SAMD12: variants seen among roughly 807,000 people sequenced by gnomAD.
SAMD12 encodes the protein sterile alpha motif domain-containing protein 12.
Under a neutral mutation model 15.0 loss-of-function variants are expected in SAMD12, and 9 were observed. That is an observed-to-expected ratio of 0.60 (90% CI 0.36 to 1.05). The LOEUF is 1.05. Among genes scored for constraint, SAMD12 ranks in the 50% least tolerant of loss-of-function variants. The pLI is 0.01. For missense variants in SAMD12, 230 were observed against 234.2 expected (o/e 0.98, Z 0.12); for synonymous variants, 86 against 90.1 (o/e 0.96, Z 0.25).
chr8:118,393,054 T>C (rs187187944), intron 3 of SAMD12, among the ~76,000 whole-genome samples: 173 of 152,292 alleles, frequency 1.1e-3, no homozygotes, highest in African/African-American at 4.0e-3. Flanking sequence ...ACACTTACTT[T>C]TGGGAAAAAT....
At chr8:118,536,525 C>T (rs573219417) in intron 2 of SAMD12, among the ~76,000 whole-genome samples, 52 of 151,468 alleles carry the variant, frequency 3.4e-4, no homozygotes, top group Admixed American at 3.9e-4. Context: ...CCTTCTGATG[C>T]GTGTTGTATG....
chr8:118,339,133 C>T (rs929811331), intron 4 of SAMD12, among the ~76,000 whole-genome samples: 6 of 152,098 alleles, frequency 3.9e-5, no homozygotes, highest in Admixed American at 2.0e-4. Context: ...AGTTTGAGAC[C>T]AGCCTGGGCA....
chr8:118,200,227 A>G (rs1305752820), intron 4 of SAMD12, among the ~76,000 whole-genome samples: 1 of 152,082 alleles, frequency 6.6e-6, no homozygotes, highest in African/African-American at 2.4e-5. Flanking sequence ...TGTCTTTAAC[A>G]GCAGAACGAC....
chr8:118,300,462 G>A (rs1382705299), intron 4 of SAMD12, among the ~76,000 whole-genome samples: 1 of 152,188 alleles, frequency 6.6e-6, no homozygotes, highest in African/African-American at 2.4e-5. Flanking sequence ...GGGCAACAGA[G>A]AGTGAAGGAC....
At chr8:118,170,461 C>T in the SAMD12 span, among the ~76,000 whole-genome samples, 1 of 152,076 alleles carries the variant, frequency 6.6e-6, no homozygotes, top group African/African-American at 2.4e-5. Context: ...AATAACAGAT[C>T]AATTTTATTT....
chr8:118,547,893 G>A (rs1010220556), intron 2 of SAMD12, among the ~76,000 whole-genome samples: 1 of 151,930 alleles, frequency 6.6e-6, no homozygotes, highest in Admixed American at 6.6e-5. Flanking sequence ...ATCAAACACT[G>A]TTCATCCTCA....
chr8:118,482,874 C>G (rs1216851252), intron 2 of SAMD12, among the ~76,000 whole-genome samples: 1 of 152,214 alleles, frequency 6.6e-6, no homozygotes, highest in Non-Finnish European at 1.5e-5. Context: ...AAGGACCTAC[C>G]TGGAAGCCTC....
the SAMD12 span, among the ~76,000 whole-genome samples, chr8:118,181,579 T>C: frequency 1.3e-5 from 2 of 152,022 alleles, no homozygotes; most frequent in Non-Finnish European, 2.9e-5. Context: ...TGAGAGAGGG[T>C]CTCTTTCTGC....
chr8:118,248,852 T>TGAGAA (rs1407964102), intron 4 of SAMD12, among the ~76,000 whole-genome samples: 1 of 152,188 alleles, frequency 6.6e-6, no homozygotes, highest in African/African-American at 2.4e-5. Context: ...TTTTTATTTA[T>TGAGAA]GAGAATCTGT....
the SAMD12 span, among the ~76,000 whole-genome samples, chr8:118,159,345 C>T: frequency 1.3e-5 from 2 of 152,174 alleles, no homozygotes; most frequent in South Asian, 4.1e-4. Context: ...GACCTGCCTG[C>T]CCCACCACAG....
intron 4 of SAMD12, among the ~76,000 whole-genome samples, chr8:118,250,403 A>C (rs1028363683): frequency 6.6e-5 from 10 of 152,148 alleles, no homozygotes; most frequent in African/African-American, 2.4e-4. Flanking sequence ...GGCATGCAGC[A>C]TGGACACTCA....
chr8:118,573,076 A>C (rs1827062126), intron 2 of SAMD12, among the ~76,000 whole-genome samples: 1 of 152,102 alleles, frequency 6.6e-6, no homozygotes, highest in African/African-American at 2.4e-5. Flanking sequence ...AATGTCAGTC[A>C]ATTAAGCCTC....
At chr8:118,380,609 T>G (rs28708682) in intron 3 of SAMD12, among the ~76,000 whole-genome samples, 20,257 of 152,234 alleles carry the variant, frequency 0.13, 1,737 homozygotes, top group Non-Finnish European at 0.18. Context: ...TAAATGCCCA[T>G]AGCACCACCC....
chr8:118,181,851 C>A, the SAMD12 span, among the ~76,000 whole-genome samples: 1 of 152,190 alleles, frequency 6.6e-6, no homozygotes, highest in Non-Finnish European at 1.5e-5. Flanking sequence ...AAAGTACCTG[C>A]CAAATTGCAA....
intron 2 of SAMD12, among the ~76,000 whole-genome samples, chr8:118,472,606 T>C (rs749851463): frequency 1.3e-5 from 2 of 151,852 alleles, no homozygotes; most frequent in African/African-American, 4.8e-5. Flanking sequence ...CCCCAGGAGT[T>C]TGAGGATATA....
chr8:118,350,435 C>T (rs749285328), intron 4 of SAMD12, among the ~76,000 whole-genome samples: 5 of 152,194 alleles, frequency 3.3e-5, no homozygotes, highest in Admixed American at 6.5e-5. Flanking sequence ...CCTGAGGTCA[C>T]GCTCCAGCCC....
intron 2 of SAMD12, among the ~76,000 whole-genome samples, chr8:118,552,957 A>T (rs1586813277): frequency 1.3e-5 from 2 of 152,168 alleles, no homozygotes; most frequent in African/African-American, 4.8e-5. Flanking sequence ...TAAAATACCT[A>T]GGAATCCAAC....
At chr8:118,608,891 T>C (rs1016416803) in intron 1 of SAMD12, among the ~76,000 whole-genome samples, 6 of 152,152 alleles carry the variant, frequency 3.9e-5, no homozygotes, top group South Asian at 2.1e-4. Flanking sequence ...TAATGCTCGA[T>C]AGGTTATTGG....
chr8:118,378,655 A>G lies in SAMD12; in HGVS notation c.*762T>C, dbSNP rs912214216. 174 of 984,950 alleles carry G rather than the reference A, an allele frequency of 1.8e-4. No homozygotes were observed. Among genetic ancestry groups the G allele is most frequent in the Non-Finnish European group, 2.0e-4 (170 of 829,616 alleles). 61.0% of individuals were successfully genotyped at this position (984,950 alleles called of 1,614,324 possible). On this transcript the variant is annotated 3_prime_UTR_variant, in exon 4 of 4. Transcript: ENST00000314727. Reference sequence around the variant, plus strand: ...ATTACAATATTCTGCAGAATGACAAATACTCAAGGCTCTCAAAAACACATA... The same window carrying G: ...ATTACAATATTCTGCAGAATGACAAGTACTCAAGGCTCTCAAAAACACATA...
Sources: gnomAD v4.1 joint callset for allele counts (sites outside exome capture counted in the v4.1 genomes callset) on GRCh38, gnomAD v4.1.1 for gene constraint, MANE v1.5 for transcripts, NCBI Gene and HGNC (gene_info 2026-07-23, HGNC 2026-07-21) for gene names.